Variants in RFX7 observed in about 807,000 individuals in gnomAD.
RFX7 encodes DNA-binding protein RFX7.
Under a neutral mutation model 111.8 loss-of-function variants are expected in RFX7, and 26 were observed. The observed-to-expected ratio is 0.23, with a 90% CI of 0.17 to 0.32. RFX7 has a LOEUF of 0.32. Ranked by LOEUF, RFX7 falls within the 10% of genes least tolerant of loss-of-function variation. The pLI, the probability that RFX7 is intolerant of heterozygous loss-of-function variation, is 1.00. For synonymous variants in RFX7, 624 were observed against 624.4 expected (o/e 1.00, Z 0.01); for missense variants, 1,573 against 1,772.9 (o/e 0.89, Z 2.02).
At chr15:56,223,416 G>T (rs1304171471) in intron 2 of RFX7, among the ~76,000 whole-genome samples, 1 of 152,078 alleles carries the variant, frequency 6.6e-6, no homozygotes, top group African/African-American at 2.4e-5. Flanking sequence ...GATAGCCAGG[G>T]TGAGCTTACC....
At chr15:56,202,084 C>T (rs1242420656) in intron 2 of RFX7, among the ~76,000 whole-genome samples, 1 of 151,992 alleles carries the variant, frequency 6.6e-6, no homozygotes, top group Non-Finnish European at 1.5e-5. Context: ...CACAGAAAAA[C>T]TGCCAAGTAA....
intron 2 of RFX7, among the ~76,000 whole-genome samples, chr15:56,220,510 C>G (rs982709789): frequency 4.0e-5 from 6 of 151,630 alleles, no homozygotes; most frequent in African/African-American, 1.5e-4. Context: ...GGGATTACAG[C>G]GGGAGCCACC....
intron 2 of RFX7, chr15:56,192,740 A>G: frequency 4.5e-6 from 1 of 221,970 alleles, no homozygotes. Flanking sequence ...CTGGTGTTTT[A>G]AAGACCTCTA....
intron 5 of RFX7, among the ~76,000 whole-genome samples, chr15:56,141,469 C>T (rs2042391931): frequency 1.3e-5 from 2 of 151,766 alleles, no homozygotes; most frequent in Admixed American, 6.6e-5. Context: ...GGTTAAAATG[C>T]TTGCCTATGT....
chr15:56,138,681 C>T (rs529691243), intron 5 of RFX7, among the ~76,000 whole-genome samples: 35 of 152,062 alleles, frequency 2.3e-4, no homozygotes, highest in Admixed American at 8.5e-4. Context: ...GTTGTTTTGC[C>T]CGTTAGTTGA....
At chr15:56,162,962 G>C (rs1595979508) in intron 3 of RFX7, among the ~76,000 whole-genome samples, 1 of 152,094 alleles carries the variant, frequency 6.6e-6, no homozygotes. Flanking sequence ...AGTAACTCCA[G>C]TGCCGTATCA....
At chr15:56,171,615 A>C (rs1009553057) in intron 3 of RFX7, among the ~76,000 whole-genome samples, 1 of 152,198 alleles carries the variant, frequency 6.6e-6, no homozygotes, top group South Asian at 2.1e-4. Context: ...CTAACAACTT[A>C]GTTTTATCCC....
chr15:56,159,923 G>T (rs2042701413), intron 3 of RFX7, among the ~76,000 whole-genome samples: 2 of 152,250 alleles, frequency 1.3e-5, no homozygotes, highest in Middle Eastern at 3.4e-3. Flanking sequence ...TGTTTTTAGG[G>T]ACCACTGTGA....
At chr15:56,108,013 T>G (rs557272087) in intron 5 of RFX7, among the ~76,000 whole-genome samples, 1 of 152,140 alleles carries the variant, frequency 6.6e-6, no homozygotes, top group Admixed American at 6.5e-5. Context: ...CAGGAAGAAG[T>G]TGAATTTTTG....
intron 2 of RFX7, among the ~76,000 whole-genome samples, chr15:56,190,786 G>T (rs2043092272): frequency 1.3e-5 from 2 of 151,910 alleles, no homozygotes; most frequent in South Asian, 4.1e-4. Flanking sequence ...ACAGACAACT[G>T]GAAAAAACTC....
chr15:56,134,869 G>GT (rs1310769304), intron 5 of RFX7, among the ~76,000 whole-genome samples: 1 of 151,876 alleles, frequency 6.6e-6, no homozygotes, highest in African/African-American at 2.4e-5. Context: ...GCAGTGTTTG[G>GT]TTTTTTGTTC....
Position 56,095,254 on chromosome 15 carries a change from C to A in RFX7, c.2474G>T (p.Gly825Val). The A allele has an allele frequency of 6.2e-7, 1 of 1,613,862 alleles. No individual in the cohort carries two copies. Reference sequence around the variant, plus strand: ...CTGGCTATATGTGTCCTGTGGCATTCCTTCTAATTCCCAAACAGATTTCTC... The same window carrying A: ...CTGGCTATATGTGTCCTGTGGCATTACTTCTAATTCCCAAACAGATTTCTC... ...DLEKSVWELE[G>V]MPQDTYSQQL... Residue 825 changes from glycine (G) to valine (V), a missense_variant, in exon 10 of 10, where the codon GGA (glycine) becomes GTA (valine). Physicochemically the swap from Gly to Val is moderately radical, Grantham distance 109. Coordinates refer to ENST00000559447, the MANE Select transcript of RFX7 (RefSeq NM_022841.7).
At chr15:56,144,584 A>C in intron 3 of RFX7, 101 bp from the exon 4 acceptor site, 1 of 414,668 alleles carries the variant, frequency 2.4e-6, no homozygotes, top group South Asian at 2.1e-5. Flanking sequence ...TGACTATTTA[A>C]ATTTAAAACA....
At chr15:56,151,466 A>G (rs1417430537) in intron 3 of RFX7, among the ~76,000 whole-genome samples, 1 of 152,236 alleles carries the variant, frequency 6.6e-6, no homozygotes, top group Non-Finnish European at 1.5e-5. Context: ...ACTAAGCTTC[A>G]TAAGTGAAGG....
chr15:56,216,867 G>C (rs1470252681), intron 2 of RFX7, among the ~76,000 whole-genome samples: 1 of 149,160 alleles, frequency 6.7e-6, no homozygotes, highest in African/African-American at 2.4e-5. Context: ...ATGTTGCCCA[G>C]ACTGGTCTCA....
Position 56,142,872 on chromosome 15 carries a change from C to T in RFX7, c.307G>A (p.Ala103Thr). The change falls in exon 5 of 10, where the codon GCA becomes ACA. Residue 103 changes from alanine to threonine, a missense_variant. Physicochemically the swap from Ala to Thr is moderately conservative, Grantham distance 58. Transcript: ENST00000559447. ...CAGGAAAAGGCATGCATTTGTTGTG[C>T]CCGACTAGATGACATGGCATTCTGA... ...SDQNAMSSSR[A>T]QQMHAFSWIR... is the part of the protein sequence containing the mutation. 1.9e-6 allele frequency: 3 copies of T among 1,613,490 alleles called. No homozygotes were observed. The highest frequency in any genetic ancestry group is 2.5e-6 in the Non-Finnish European group (3 of 1,179,684).
intron 3 of RFX7, among the ~76,000 whole-genome samples, chr15:56,165,954 T>A (rs1420112404): frequency 3.3e-5 from 5 of 152,236 alleles, no homozygotes; most frequent in African/African-American, 1.2e-4. Context: ...CAGGCTGGAG[T>A]GCAGTGGCAC....
chr15:56,206,493 C>T (rs1487736935), intron 2 of RFX7, among the ~76,000 whole-genome samples: 2 of 152,102 alleles, frequency 1.3e-5, no homozygotes, highest in Non-Finnish European at 2.9e-5. Context: ...CCAGCAATCC[C>T]ACTGCTAGCT....
chr15:56,114,914 A>G (rs2041990290), intron 5 of RFX7, among the ~76,000 whole-genome samples: 1 of 152,206 alleles, frequency 6.6e-6, no homozygotes. Context: ...TTTAAAAAGA[A>G]ATTTGTGTCT....
Sources: gnomAD v4.1 joint callset for allele counts (sites outside exome capture counted in the v4.1 genomes callset) on GRCh38, gnomAD v4.1.1 for gene constraint, MANE v1.5 for transcripts, NCBI Gene and HGNC (gene_info 2026-07-23, HGNC 2026-07-21) for gene names.